Variants in TCF12 observed in about 807,000 individuals in gnomAD.
TCF12 encodes DNA-binding protein HTF4.
TCF12 carries 45 observed loss-of-function variants against 86.0 expected under a neutral mutation model. The ratio of observed to expected loss-of-function variants is 0.52; its 90% CI spans 0.41 to 0.67. TCF12 has a LOEUF of 0.67. Among genes scored for constraint, TCF12 ranks in the 30% least tolerant of loss-of-function variants. TCF12 has a pLI of 0.00. For missense variants in TCF12, 881 were observed against 859.9 expected (o/e 1.02, Z -0.31); for synonymous variants, 330 against 299.6 (o/e 1.10, Z -1.05).
At chr15:57,210,845 A>G (rs563078602) in intron 8 of TCF12, among the ~76,000 whole-genome samples, 1 of 152,284 alleles carries the variant, frequency 6.6e-6, no homozygotes, top group Admixed American at 6.5e-5. Context: ...CTACAGCCAC[A>G]TTTGTGTATA....
At chr15:57,164,672 T>C (rs1445366200) in intron 5 of TCF12, among the ~76,000 whole-genome samples, 1 of 151,500 alleles carries the variant, frequency 6.6e-6, no homozygotes, top group African/African-American at 2.4e-5. Context: ...ACAATAAGAA[T>C]TTTTTTTTCT....
intron 8 of TCF12, among the ~76,000 whole-genome samples, chr15:57,208,197 TA>T (rs1368834449): frequency 5.3e-5 from 8 of 151,644 alleles, no homozygotes; most frequent in Non-Finnish European, 1.5e-5. Context: ...CACACCCAGC[TA>T]ATTTTTTTGT....
chr15:57,208,380 C>CTTTTTTTT (rs1184422578), intron 8 of TCF12, among the ~76,000 whole-genome samples: 871 of 65,494 alleles, frequency 0.013, 75 homozygotes, highest in African/African-American at 0.023. Flanking sequence ...CAAAAATATC[C>CTTTTTTTT]TTTTTTTTTT....
chr15:56,993,093 T>A (rs1291601434), intron 3 of TCF12, among the ~76,000 whole-genome samples: 4 of 150,244 alleles, frequency 2.7e-5, no homozygotes, highest in Non-Finnish European at 4.4e-5. Flanking sequence ...GAGTTTACCA[T>A]TTTTTTTTTC....
chr15:56,965,533 T>C (rs2061963674), intron 3 of TCF12, among the ~76,000 whole-genome samples: 1 of 152,216 alleles, frequency 6.6e-6, no homozygotes, highest in Admixed American at 6.5e-5. Flanking sequence ...TAGAATTTTT[T>C]TCATCCTGTT....
intron 13 of TCF12, chr15:57,248,034 T>A (rs2059941547): frequency 1.4e-6 from 1 of 704,970 alleles, no homozygotes; most frequent in East Asian, 2.7e-5. Context: ...GCAGCGGTTT[T>A]ACCTCCATTT....
intron 13 of TCF12, among the ~76,000 whole-genome samples, chr15:57,249,370 C>T (rs2060003088): frequency 6.6e-6 from 1 of 151,222 alleles, no homozygotes; most frequent in Admixed American, 6.6e-5. Context: ...AGCAGGAAGC[C>T]TTTAATGGTC....
intron 3 of TCF12, among the ~76,000 whole-genome samples, chr15:57,017,835 C>T (rs1028971501): frequency 2.8e-5 from 4 of 144,216 alleles, no homozygotes; most frequent in African/African-American, 1.0e-4. Context: ...CATACTTGTT[C>T]TTTAAATATA....
At chr15:56,930,222 C>T (rs2060187364) in intron 3 of TCF12, among the ~76,000 whole-genome samples, 1 of 152,152 alleles carries the variant, frequency 6.6e-6, no homozygotes, top group Non-Finnish European at 1.5e-5. Context: ...CTTCTTGGTC[C>T]CAGAGGCATA....
chr15:57,054,217 A>G (rs1220768824), intron 3 of TCF12, among the ~76,000 whole-genome samples: 1 of 152,196 alleles, frequency 6.6e-6, no homozygotes, highest in African/African-American at 2.4e-5. Context: ...CAGGAAATGA[A>G]TAGAATTGTT....
chr15:57,000,445 C>A (rs1319048660), intron 3 of TCF12, among the ~76,000 whole-genome samples: 3 of 151,588 alleles, frequency 2.0e-5, no homozygotes, highest in Non-Finnish European at 4.4e-5. Flanking sequence ...GTGTTTTAAA[C>A]TAAATGAAAA....
chr15:57,286,857 TG>T lies in TCF12; in HGVS notation c.*714del, dbSNP rs1427184145. 1 of 364,872 alleles carries T rather than the reference TG, an allele frequency of 2.7e-6. No individual in the cohort carries two copies. Among genetic ancestry groups the T allele is most frequent in the East Asian group, 7.3e-5 (1 of 13,780 alleles). 22.6% of individuals were successfully genotyped at this position (364,872 alleles called of 1,614,324 possible). ...TTGATCTCTAAATCTGAACAGTTTA[TG>T]GTCACAGTCCAGCCTCCTCCGTGCA... On this transcript the variant is annotated 3_prime_UTR_variant, in exon 21 of 21. Coordinates refer to ENST00000333725, the MANE Select transcript of TCF12 (RefSeq NM_207037.2).
intron 4 of TCF12, among the ~76,000 whole-genome samples, chr15:57,068,274 T>G (rs2069076111): frequency 6.6e-6 from 1 of 152,210 alleles, no homozygotes; most frequent in African/African-American, 2.4e-5. Flanking sequence ...CAATGTCTGA[T>G]ATGTGGTGAG....
At chr15:56,998,566 G>T (rs191270819) in intron 3 of TCF12, among the ~76,000 whole-genome samples, 4 of 151,506 alleles carry the variant, frequency 2.6e-5, no homozygotes, top group Admixed American at 2.6e-4. Flanking sequence ...TTCTTTCCAA[G>T]TACAGAAGGA....
Position 57,263,342 on chromosome 15 carries a change from GTGTCA to G in TCF12, c.1745+71_1745+75del, listed in dbSNP as rs1348102414. On this transcript the variant is annotated intron_variant, in intron 18 of 20. Coordinates refer to ENST00000333725, the MANE Select transcript of TCF12 (RefSeq NM_207037.2). ...TAGGTAAACATACTTGAGAAGCTGG[GTGTCA>G]TGCATTTATTAACTGTCAGCTATGT... 9 of 1,500,854 alleles carry G rather than the reference GTGTCA, an allele frequency of 6.0e-6. No individual in the cohort carries two copies. In the African/African-American group the frequency reaches 1.3e-4, roughly 21 times the overall value. The allele number at this position is 1,500,854 out of a possible 1,614,324, so 93.0% of individuals were successfully genotyped here.
intron 5 of TCF12, among the ~76,000 whole-genome samples, chr15:57,102,491 G>C (rs2049829679): frequency 6.6e-6 from 1 of 151,986 alleles, no homozygotes; most frequent in Admixed American, 6.6e-5. Flanking sequence ...CCAGCTACTA[G>C]GGAGGCTGAG....
At chr15:56,971,748 G>A (rs1846991654) in intron 3 of TCF12, among the ~76,000 whole-genome samples, 1 of 152,116 alleles carries the variant, frequency 6.6e-6, no homozygotes, top group African/African-American at 2.4e-5. Flanking sequence ...TAATATTTCT[G>A]GACTCTGAGA....
At chr15:56,943,448 G>A (rs1422519789) in intron 3 of TCF12, among the ~76,000 whole-genome samples, 3 of 152,138 alleles carry the variant, frequency 2.0e-5, no homozygotes, top group Non-Finnish European at 4.4e-5. Context: ...GTAATAAAAA[G>A]CCTTCAATAA....
intron 3 of TCF12, among the ~76,000 whole-genome samples, chr15:56,941,905 C>G (rs1446241481): frequency 6.6e-6 from 1 of 152,130 alleles, no homozygotes. Context: ...TCATTGTAAG[C>G]TTCTCATTAA....
Sources: gnomAD v4.1 joint callset for allele counts (sites outside exome capture counted in the v4.1 genomes callset) on GRCh38, gnomAD v4.1.1 for gene constraint, MANE v1.5 for transcripts, NCBI Gene and HGNC (gene_info 2026-07-23, HGNC 2026-07-21) for gene names.